DIAPH2: variants seen among roughly 807,000 people sequenced by gnomAD.
DIAPH2 encodes diaphanous related formin 2, also known as protein diaphanous homolog 2.
Under a neutral mutation model 92.7 loss-of-function variants are expected in DIAPH2, and 35 were observed. That is an observed-to-expected ratio of 0.38 (90% CI 0.29 to 0.50). The LOEUF is 0.50. DIAPH2 is among the 20% of genes least tolerant of loss of function. The pLI, the probability that DIAPH2 is intolerant of heterozygous loss-of-function variation, is 0.94. For missense variants in DIAPH2, 701 were observed against 819.5 expected (o/e 0.86, Z 1.77); for synonymous variants, 301 against 280.4 (o/e 1.07, Z -0.73).
intron 5 of DIAPH2, among the ~76,000 whole-genome samples, chrX:96,904,839 A>G (rs1018694953): frequency 9.0e-6 from 1 of 111,445 alleles, no homozygotes; most frequent in African/African-American, 3.3e-5. Context: ...ACCAAAACCC[A>G]CCACTCAAGA....
At position 97,247,616 on chromosome X, in the gene DIAPH2, A is replaced by C. The variant is rs775881648; in HGVS notation, c.2720-99A>C. Reference sequence around the variant, plus strand: ...AGTTGACTTCATGGAACTATTTCCCACATTTAAAAAAAAAGACTTTAACTG... The same window carrying C: ...AGTTGACTTCATGGAACTATTTCCCCCATTTAAAAAAAAAGACTTTAACTG... On this transcript the variant is annotated intron_variant, in intron 22 of 26. Coordinates refer to ENST00000324765, the MANE Select transcript of DIAPH2 (RefSeq NM_006729.5). The C allele has an allele frequency of 6.3e-6, 5 of 795,258 alleles. No homozygotes were observed. In the East Asian group the frequency reaches 1.7e-4, roughly 26 times the overall value. The allele number at this position is 795,258 out of a possible 1,213,427, so 65.5% of individuals were successfully genotyped here. A position where few individuals can be genotyped will look rare whatever the true frequency, so the allele number is the denominator to read the frequency against.
intron 17 of DIAPH2, among the ~76,000 whole-genome samples, chrX:96,971,432 GTGTGTGTGTGTGGGTGTGGGTGTA>G (rs1375365402): frequency 9.1e-6 from 1 of 110,428 alleles, no homozygotes; most frequent in African/African-American, 3.3e-5. Context: ...GTGTGTGTAT[GTGTGTGTGTGTGGGTGTGGGTGTA>G]TGTGTGTGTG....
intron 17 of DIAPH2, among the ~76,000 whole-genome samples, chrX:97,009,139 G>A (rs1342067182): frequency 1.8e-5 from 2 of 110,418 alleles, no homozygotes. Context: ...CAAGCCACAA[G>A]ACAAAGTCTG....
chrX:97,120,987 C>T (rs961572457), intron 21 of DIAPH2, among the ~76,000 whole-genome samples: 1 of 112,109 alleles, frequency 8.9e-6, no homozygotes, highest in Non-Finnish European at 1.9e-5. Context: ...GTAATCCACA[C>T]ACACAAAAGA....
chrX:97,463,274 CTTT>C (rs34254892), intron 26 of DIAPH2, among the ~76,000 whole-genome samples: 6 of 92,237 alleles, frequency 6.5e-5, no homozygotes, highest in Admixed American at 2.5e-4. Flanking sequence ...TATCTGAATC[CTTT>C]TTTTTTTTTT....
chrX:96,993,544 C>T (rs1355649534), intron 17 of DIAPH2, among the ~76,000 whole-genome samples: 1 of 111,313 alleles, frequency 9.0e-6, no homozygotes. Flanking sequence ...GTGCTACACA[C>T]TTTCAAACAA....
intron 23 of DIAPH2, among the ~76,000 whole-genome samples, chrX:97,332,662 T>G (rs954210222): frequency 9.0e-6 from 1 of 111,389 alleles, no homozygotes; most frequent in Non-Finnish European, 1.9e-5. Flanking sequence ...TTCAGAAAAT[T>G]ATACTAAAGG....
chrX:96,751,525 T>C (rs914760714), intron 3 of DIAPH2, among the ~76,000 whole-genome samples: 2 of 99,608 alleles, frequency 2.0e-5, no homozygotes, highest in Admixed American at 2.3e-4. Context: ...GCAGTGAGCC[T>C]AGATCTCGAC....
chrX:96,834,848 G>C (rs769506616), intron 4 of DIAPH2, among the ~76,000 whole-genome samples: 1 of 111,536 alleles, frequency 9.0e-6, no homozygotes, highest in Non-Finnish European at 1.9e-5. Flanking sequence ...TTTACCTTTT[G>C]ATTGTATTTG....
At chrX:97,261,016 C>G (rs1239122797) in intron 23 of DIAPH2, among the ~76,000 whole-genome samples, 2 of 112,625 alleles carry the variant, frequency 1.8e-5, no homozygotes, top group Non-Finnish European at 3.7e-5. Context: ...TTAGAAGAAG[C>G]CCTTCTGCCT....
chrX:97,592,920 C>A (rs991770577), intron 26 of DIAPH2, among the ~76,000 whole-genome samples: 1 of 111,788 alleles, frequency 8.9e-6, no homozygotes, highest in Non-Finnish European at 1.9e-5. Flanking sequence ...TTTCTTTGCA[C>A]GGATTTATTT....
intron 4 of DIAPH2, among the ~76,000 whole-genome samples, chrX:96,813,657 G>A (rs1602530564): frequency 8.9e-6 from 1 of 111,745 alleles, no homozygotes; most frequent in East Asian, 2.8e-4. Context: ...TGCAGTGGCT[G>A]GTACTGGTTG....
chrX:97,155,691 A>C (rs1423004776), intron 22 of DIAPH2, among the ~76,000 whole-genome samples: 1 of 111,403 alleles, frequency 9.0e-6, no homozygotes, highest in Non-Finnish European at 1.9e-5. Flanking sequence ...TGGCATCCTT[A>C]TGAAAAATGC....
intron 26 of DIAPH2, among the ~76,000 whole-genome samples, chrX:97,545,416 A>G (rs2147859520): frequency 9.1e-6 from 1 of 109,304 alleles, no homozygotes; most frequent in East Asian, 2.8e-4. Context: ...GAGGCAAAAT[A>G]ACTGTTTAGT....
intron 22 of DIAPH2, among the ~76,000 whole-genome samples, chrX:97,226,966 C>A (rs2067970271): frequency 9.0e-6 from 1 of 111,051 alleles, no homozygotes; most frequent in Non-Finnish European, 1.9e-5. Context: ...GTATTCTGAG[C>A]ACAGTAGGAA....
chrX:96,979,768 T>C (rs1056834846), intron 17 of DIAPH2, among the ~76,000 whole-genome samples: 7 of 112,440 alleles, frequency 6.2e-5, no homozygotes, highest in Admixed American at 9.4e-5. Context: ...CAATAAGGTA[T>C]GAGTACTAAC....
At chrX:97,067,153 A>T (rs2066639276) in intron 17 of DIAPH2, among the ~76,000 whole-genome samples, 1 of 111,726 alleles carries the variant, frequency 9.0e-6, no homozygotes, top group African/African-American at 3.3e-5. Context: ...TTCCCTCCTA[A>T]GGTTTGGTGA....
intron 1 of DIAPH2, among the ~76,000 whole-genome samples, chrX:96,727,808 G>A (rs1053847928): frequency 1.8e-5 from 2 of 110,934 alleles, no homozygotes; most frequent in African/African-American, 6.6e-5. Context: ...AGCACTTTGG[G>A]AGGCTGAGGT....
At chrX:97,589,161 A>G (rs2071500019) in intron 26 of DIAPH2, among the ~76,000 whole-genome samples, 1 of 100,582 alleles carries the variant, frequency 9.9e-6, no homozygotes, top group African/African-American at 3.5e-5. Context: ...CTACTAAAAT[A>G]CAAAAATTAG....
Sources: gnomAD v4.1 joint callset for allele counts (sites outside exome capture counted in the v4.1 genomes callset) on GRCh38, gnomAD v4.1.1 for gene constraint, MANE v1.5 for transcripts, NCBI Gene and HGNC (gene_info 2026-07-23, HGNC 2026-07-21) for gene names.